The following ACAD8 variants were observed in gnomAD, a reference collection of about 807,000 sequenced individuals.
The protein encoded by ACAD8 is isobutyryl-CoA dehydrogenase, mitochondrial.
In ACAD8, 47 loss-of-function variants were observed where a neutral mutation model predicts 53.1. The ratio of observed to expected loss-of-function variants is 0.89; its 90% CI spans 0.70 to 1.13. The LOEUF (loss-of-function observed/expected upper bound fraction) is 1.13, where lower values mean the gene tolerates loss of function less well. Among genes scored for constraint, ACAD8 ranks in the 50% most tolerant of loss-of-function variants. The probability of loss-of-function intolerance (pLI) is 0.00; values close to 1 mark genes in which losing one functional copy is unlikely to be tolerated. For missense variants in ACAD8, 494 were observed against 535.0 expected (o/e 0.92, Z 0.76); for synonymous variants, 198 against 201.3 (o/e 0.98, Z 0.14).
chr11:134,262,539 A>T lies in ACAD8; in HGVS notation c.1112A>T (p.Gln371Leu), dbSNP rs1411991005. The change falls in exon 10 of 11, where the codon CAG becomes CTG. Residue 371 changes from glutamine (Q) to leucine (L), a missense_variant. Transcript: ENST00000281182. Reference sequence around the variant, plus strand: ...CTGCAGATCTGCAACCAGGCCTTGCAGATGCACGGGGGCTACGGCTACCTG... The same window carrying T: ...CTGCAGATCTGCAACCAGGCCTTGCTGATGCACGGGGGCTACGGCTACCTG... Reference protein sequence around the residue: ...ECFAICNQALQMHGGYGYLKD... With the variant: ...ECFAICNQALLMHGGYGYLKD... The T allele has an allele frequency of 6.2e-7, 1 of 1,613,892 alleles. No individual in the cohort carries two copies. Among genetic ancestry groups the T allele is most frequent in the African/African-American group, 1.3e-5 (1 of 75,060 alleles).
chr11:134,264,069 G>A (rs892435084), intron 10 of ACAD8: 17 of 983,852 alleles, frequency 1.7e-5, no homozygotes, highest in Non-Finnish European at 1.9e-5. Flanking sequence ...AGTAGGCTGG[G>A]TGCGGTAGCT....
rs927758217 is a variant in ACAD8, at chr11:134,263,100, A to G, written c.1195+478A>G. 9 of 1,144,942 alleles carry G rather than the reference A, an allele frequency of 7.9e-6. No homozygotes were observed. In the African/African-American group the frequency reaches 1.3e-4, roughly 17 times the overall value. The allele number at this position is 1,144,942 out of a possible 1,614,324, so 70.9% of individuals were successfully genotyped here. On this transcript the variant is annotated intron_variant, in intron 10 of 10. Coordinates refer to ENST00000281182, the MANE Select transcript of ACAD8 (RefSeq NM_014384.3). Reference sequence around the variant, plus strand: ...TTTTTCAATAAAATAAACCATCACTATATGGGTATCTTCTTGGTAGTCACA... The same window carrying G: ...TTTTTCAATAAAATAAACCATCACTGTATGGGTATCTTCTTGGTAGTCACA...
chr11:134,265,248 G>A lies in ACAD8; in HGVS notation c.*288G>A, dbSNP rs996180585. 54 of 499,050 alleles carry A rather than the reference G, an allele frequency of 1.1e-4. 1 individual carries two copies. Among genetic ancestry groups the A allele is most frequent in the Non-Finnish European group, 1.4e-5 (4 of 280,010 alleles). The allele number at this position is 499,050 out of a possible 1,614,324, so 30.9% of individuals were successfully genotyped here. ...CAGTGAAGATTCACCGTCAAACCAT[G>A]AAAGTCCTTTCTTGGATCCACTTTA... On this transcript the variant is annotated 3_prime_UTR_variant, in exon 11 of 11. Coordinates refer to ENST00000281182, the MANE Select transcript of ACAD8 (RefSeq NM_014384.3).
rs1940138435 is a variant in ACAD8, at chr11:134,265,804, CTT to C, written c.*845_*846del. On this transcript the variant is annotated 3_prime_UTR_variant, in exon 11 of 11. Coordinates refer to ENST00000281182, the MANE Select transcript of ACAD8 (RefSeq NM_014384.3). The stretch of plus-strand genomic sequence containing the variant: ...ATGTTTAATTGTATTTGATTAAACA[CTT>C]AACTGGATTTTGGAATAATAAAACT... The C allele has an allele frequency of 6.6e-6, 1 of 152,130 alleles. No homozygotes were observed. The highest frequency in any genetic ancestry group is 6.5e-5 in the Admixed American group (1 of 15,278). The allele number at this position is 152,130 out of a possible 1,614,324, so 9.4% of individuals were successfully genotyped here.
At chr11:134,263,047 A>G (rs969493984) in intron 10 of ACAD8, 16 of 1,179,964 alleles carry the variant, frequency 1.4e-5, no homozygotes, top group Non-Finnish European at 1.7e-5. Context: ...ATGGCCTAAA[A>G]GATACCTGTC....
At chr11:134,262,734 C>T in intron 10 of ACAD8, 112 bp downstream of exon 10, 4 of 1,515,962 alleles carry the variant, frequency 2.6e-6, no homozygotes, top group Non-Finnish European at 3.5e-6. Flanking sequence ...CAAGCCCTGT[C>T]TGTCTCGAGG....
rs76560620 is a variant in ACAD8 at position 134,262,082 on chromosome 11, G to C, written c.1092+192G>C. ...CTCATCGCTGGCTTTTAGGCCTGCT[G>C]CATGCCATTATACACTTCATTATGT... On this transcript the variant is annotated intron_variant, in intron 9 of 10. Coordinates refer to ENST00000281182, the MANE Select transcript of ACAD8 (RefSeq NM_014384.3). The C allele has an allele frequency of 1.4e-3, 976 of 713,388 alleles. 3 individuals are homozygous for C. The highest frequency in any genetic ancestry group is 0.013 in the African/African-American group (734 of 57,422). 44.2% of individuals were successfully genotyped at this position (713,388 alleles called of 1,614,324 possible). A position where few individuals can be genotyped will look rare whatever the true frequency, so the allele number is the denominator to read the frequency against.
At position 134,259,683 on chromosome 11, in the gene ACAD8, A is replaced by T. The variant is rs151125742; in HGVS notation, c.643A>T (p.Ile215Phe). The change falls in exon 6 of 11, where the codon ATC becomes TTC. Residue 215 changes from isoleucine (I) to phenylalanine (F), a missense_variant. Ile to Phe is a conservative substitution (Grantham distance 21, BLOSUM62 0). Transcript: ENST00000281182. The stretch of plus-strand genomic sequence containing the variant: ...AACAGGAGGACCAGGCCCCAAGGGC[A>T]TCTCATGCATAGTTGTTGAGAAGGG... Reference protein sequence around the residue: ...CRTGGPGPKGISCIVVEKGTP... With the variant: ...CRTGGPGPKGFSCIVVEKGTP... 1 of 1,614,204 alleles carries T rather than the reference A, an allele frequency of 6.2e-7. No homozygotes were observed. The highest frequency in any genetic ancestry group is 2.2e-5 in the East Asian group (1 of 44,880).
intron 10 of ACAD8, 58 bp downstream of exon 10, chr11:134,262,680 T>TC: frequency 1.3e-6 from 2 of 1,553,680 alleles, no homozygotes; most frequent in Non-Finnish European, 1.8e-6. Flanking sequence ...ATCGCTGCTT[T>TC]CCCCACTCTC....
intron 10 of ACAD8, chr11:134,263,706 C>T (rs1353737028): frequency 1.7e-5 from 17 of 985,194 alleles, no homozygotes; most frequent in Non-Finnish European, 1.9e-5. Flanking sequence ...TAGGAAACTT[C>T]GCCTTCATTC....
chr11:134,262,659 A>AC, intron 10 of ACAD8, 37 bp downstream of exon 10: 1 of 1,589,808 alleles, frequency 6.3e-7, no homozygotes, highest in African/African-American at 1.3e-5. Flanking sequence ...TCCCTTCAGA[A>AC]CGGGGGCGGG....
chr11:134,259,999 C>G lies in ACAD8; in HGVS notation c.705+254C>G, dbSNP rs1269795722. ...CTGTGAGTGTTCTGACCTCTCCTGC[C>G]TCTGCTTTTGGCCTGTGTTCCTTAT... On this transcript the variant is annotated intron_variant, in intron 6 of 10. Transcript: ENST00000281182. The G allele has an allele frequency of 9.1e-6, 12 of 1,322,732 alleles. No individual in the cohort carries two copies. In the East Asian group the frequency reaches 3.3e-4, roughly 37 times the overall value. The allele number at this position is 1,322,732 out of a possible 1,614,324, so 81.9% of individuals were successfully genotyped here. A position where few individuals can be genotyped will look rare whatever the true frequency, so the allele number is the denominator to read the frequency against.
intron 1 of ACAD8, among the ~76,000 whole-genome samples, chr11:134,253,963 C>T (rs1490859908): frequency 6.7e-6 from 1 of 148,882 alleles, no homozygotes; most frequent in African/African-American, 2.4e-5. Context: ...GCCGGTCACC[C>T]CCGCCCCGGT....
Position 134,264,919 on chromosome 11 carries a change from G to A in ACAD8, c.1207G>A (p.Val403Met). The change falls in exon 11 of 11, where the codon GTG (valine) becomes ATG (methionine). Residue 403 changes from valine (V) to methionine (M), a missense_variant. Val to Met is a conservative substitution (Grantham distance 21). Transcript: ENST00000281182. The part of the protein sequence containing the change: ...VHQILEGSNE[V>M]MRILISRSLL... ...CCTCCCTCTTACAGGTAGCAATGAA[G>A]TGATGAGGATACTGATCTCTAGAAG... 6 of 1,614,200 alleles carry A rather than the reference G, an allele frequency of 3.7e-6. No homozygotes were observed. The highest frequency in any genetic ancestry group is 5.1e-6 in the Non-Finnish European group (6 of 1,180,004).
At chr11:134,253,757 G>A (rs1256990557) in intron 1 of ACAD8, 48 bp downstream of exon 1, 2 of 1,527,896 alleles carry the variant, frequency 1.3e-6, no homozygotes, top group African/African-American at 1.4e-5. Flanking sequence ...GAACCCCGGC[G>A]GACATATGTC....
At chr11:134,258,719 G>A (rs1466493536) in intron 4 of ACAD8, 95 bp downstream of exon 4, 15 of 956,026 alleles carry the variant, frequency 1.6e-5, no homozygotes, top group Middle Eastern at 2.6e-4. Context: ...TTGACATGTC[G>A]AGCCACTGTT....
Position 134,265,252 on chromosome 11 carries a change from G to T in ACAD8, c.*292G>T. ...GAAGATTCACCGTCAAACCATGAAAGTCCTTTCTTGGATCCACTTTATCTT... is the reference window on the plus strand; with the variant it reads ...GAAGATTCACCGTCAAACCATGAAATTCCTTTCTTGGATCCACTTTATCTT... On this transcript the variant is annotated 3_prime_UTR_variant, in exon 11 of 11. Coordinates refer to ENST00000281182, the MANE Select transcript of ACAD8 (RefSeq NM_014384.3). 2 of 489,280 alleles carry T rather than the reference G, an allele frequency of 4.1e-6. No homozygotes were observed. The highest frequency in any genetic ancestry group is 7.3e-6 in the Non-Finnish European group (2 of 273,994). The allele number at this position is 489,280 out of a possible 1,614,324, so 30.3% of individuals were successfully genotyped here.
At chr11:134,260,991 C>T in intron 6 of ACAD8, 53 bp from the exon 7 acceptor site, 1 of 1,599,774 alleles carries the variant, frequency 6.3e-7, no homozygotes. Context: ...CCAGGGAAGG[C>T]CGCCCTACCT....
At position 134,261,426 on chromosome 11, in the gene ACAD8, G is replaced by C. The variant is rs1401726469; in HGVS notation, c.939+54G>C. 2.5e-6 allele frequency: 4 copies of C among 1,585,934 alleles called. No individual in the cohort carries two copies. Among genetic ancestry groups the C allele is most frequent in the Middle Eastern group, 1.7e-4 (1 of 6,038 alleles). ...TTGCACTATTTGCAGCCCGGGACCT[G>C]CTCTAGGGCCCACATTTCCAGGAGA... On this transcript the variant is annotated intron_variant, in intron 8 of 10. Coordinates refer to ENST00000281182, the MANE Select transcript of ACAD8 (RefSeq NM_014384.3). This position sits in a 1 kb window ranked among gnomAD's most constrained non-coding sequence, Gnocchi z 4.2.
Sources: allele counts gnomAD v4.1 joint callset (sites outside exome capture counted in the v4.1 genomes callset), GRCh38; gene constraint gnomAD v4.1.1; non-coding constraint Gnocchi (gnomAD v3.1); transcripts MANE v1.5; gene names NCBI Gene and HGNC (gene_info 2026-07-23, HGNC 2026-07-21).